The following GDA variants were observed in gnomAD, a reference collection of about 807,000 sequenced individuals.
The protein encoded by GDA is cytoplasmic PSD-95 interactor.
Under a neutral mutation model 59.6 loss-of-function variants are expected in GDA, and 18 were observed. The ratio of observed to expected loss-of-function variants is 0.30; its 90% CI spans 0.21 to 0.45. The LOEUF (loss-of-function observed/expected upper bound fraction) is 0.45, where lower values mean the gene tolerates loss of function less well. Ranked by LOEUF, GDA falls within the 20% of genes least tolerant of loss-of-function variation. The pLI is 1.00. For missense variants in GDA, 427 were observed against 552.3 expected (o/e 0.77, Z 2.27); for synonymous variants, 201 against 201.1 (o/e 1.00, Z 0.00).
intron 8 of GDA, among the ~76,000 whole-genome samples, chr9:72,226,192 C>G (rs2071341103): frequency 6.6e-6 from 1 of 152,018 alleles, no homozygotes; most frequent in Non-Finnish European, 1.5e-5. Context: ...AGAATTCACT[C>G]TAAGTAATAT....
chr9:72,155,284 C>A (rs146701559), intron 1 of GDA, among the ~76,000 whole-genome samples: 10 of 152,274 alleles, frequency 6.6e-5, no homozygotes, highest in Middle Eastern at 3.4e-3. Flanking sequence ...CCCATCAGAT[C>A]TCGTGAGACT....
intron 1 of GDA, among the ~76,000 whole-genome samples, chr9:72,156,056 A>G (rs1827851474): frequency 6.6e-6 from 1 of 152,202 alleles, no homozygotes; most frequent in African/African-American, 2.4e-5. Flanking sequence ...TAGAATCAGT[A>G]GCTATTTAGA....
In GDA at chr9:72,228,041, G is replaced by A. The variant is rs771573154; in HGVS notation, c.920+1G>A. On this transcript the variant is annotated splice_donor_variant, in intron 9 of 13. Transcript: ENST00000358399. LOFTEE classifies it high-confidence loss of function. ...CACACTGTCCCAATTCTAATTTATCGTAAGTAGACAATGATTGTTTGGTAG... is the reference window on the plus strand; with the variant it reads ...CACACTGTCCCAATTCTAATTTATCATAAGTAGACAATGATTGTTTGGTAG... The A allele has an allele frequency of 5.4e-6, 8 of 1,479,660 alleles. No individual in the cohort carries two copies. The highest frequency in any genetic ancestry group is 7.6e-6 in the Non-Finnish European group (8 of 1,059,142). The allele number at this position is 1,479,660 out of a possible 1,614,324, so 91.7% of individuals were successfully genotyped here. A position where few individuals can be genotyped will look rare whatever the true frequency, so the allele number is the denominator to read the frequency against.
chr9:72,213,630 C>T (rs1192250290), intron 4 of GDA, among the ~76,000 whole-genome samples: 2 of 151,372 alleles, frequency 1.3e-5, no homozygotes, highest in Non-Finnish European at 2.9e-5. Context: ...GGTGAAACCC[C>T]GTCTCTACTA....
At chr9:72,220,495 T>G (rs1054948445) in intron 6 of GDA, among the ~76,000 whole-genome samples, 4 of 152,182 alleles carry the variant, frequency 2.6e-5, no homozygotes, top group African/African-American at 9.7e-5. Context: ...AACTTCGTCT[T>G]AAGTTCACTA....
intron 1 of GDA, among the ~76,000 whole-genome samples, chr9:72,121,050 C>T: frequency 6.6e-6 from 1 of 152,284 alleles, no homozygotes; most frequent in South Asian, 2.1e-4. Flanking sequence ...CGTTTCAATA[C>T]CCTCTCGAGA....
chr9:72,222,353 A>C (rs181587764), intron 6 of GDA, among the ~76,000 whole-genome samples: 404 of 152,288 alleles, frequency 2.7e-3, no homozygotes, highest in African/African-American at 9.1e-3. Flanking sequence ...GGCTGCATCA[A>C]TCATATGTAA....
At chr9:72,175,664 A>G (rs926377849) in intron 1 of GDA, among the ~76,000 whole-genome samples, 4 of 152,202 alleles carry the variant, frequency 2.6e-5, no homozygotes, top group African/African-American at 9.6e-5. Context: ...TCTACTTGTG[A>G]GACTGCATTA....
chr9:72,199,657 T>C (rs749570880), intron 2 of GDA, among the ~76,000 whole-genome samples: 19 of 152,264 alleles, frequency 1.2e-4, no homozygotes, highest in Non-Finnish European at 2.4e-4. Context: ...CAGTGACTAC[T>C]TTTTAAAGGA....
chr9:72,153,261 C>T (rs1158015947), intron 1 of GDA, among the ~76,000 whole-genome samples: 16 of 151,962 alleles, frequency 1.1e-4, no homozygotes, highest in African/African-American at 3.9e-4. Context: ...TTAGGATTGA[C>T]TTGGTGATGC....
At chr9:72,131,065 A>T (rs1158898200) in intron 1 of GDA, among the ~76,000 whole-genome samples, 1 of 152,218 alleles carries the variant, frequency 6.6e-6, no homozygotes, top group Non-Finnish European at 1.5e-5. Flanking sequence ...GCTGTGGTTA[A>T]GTTCCACTGA....
At chr9:72,116,194 A>G (rs181736237) in intron 1 of GDA, among the ~76,000 whole-genome samples, 96 of 151,682 alleles carry the variant, frequency 6.3e-4, no homozygotes, top group African/African-American at 2.1e-3. Flanking sequence ...AGATCATGCC[A>G]TTGCACTCCA....
intron 1 of GDA, among the ~76,000 whole-genome samples, chr9:72,116,510 G>A (rs897849784): frequency 2.7e-5 from 4 of 150,770 alleles, no homozygotes; most frequent in Non-Finnish European, 5.9e-5. Flanking sequence ...AGCCTTCCGA[G>A]TAGGTAGGAC....
rs545024949 is a variant in GDA at position 72,134,292 on chromosome 9, A to G, written c.-100+19459A>G. On this transcript the variant is annotated intron_variant, in intron 1 of 13. Coordinates refer to the GDA transcript ENST00000545168. ...ACAATTCCTTCATCTGTAAAATGCA[A>G]GGTACTATGCCTGCTCTAACTAGCT... 3.3e-5 allele frequency among the ~76,000 whole-genome samples: 5 copies of G among 152,304 alleles called. No homozygotes were observed. In the South Asian group the frequency reaches 1.0e-3, roughly 32 times the overall value.
intron 1 of GDA, among the ~76,000 whole-genome samples, chr9:72,120,807 T>G (rs747730795): frequency 6.6e-6 from 1 of 152,204 alleles, no homozygotes; most frequent in Non-Finnish European, 1.5e-5. Context: ...AACACATGAC[T>G]TCAACACTTC....
downstream of GDA, among the ~76,000 whole-genome samples, chr9:72,259,207 T>C (rs1176728392): frequency 6.6e-6 from 1 of 151,960 alleles, no homozygotes; most frequent in Non-Finnish European, 1.5e-5. Context: ...GTATTTTTAG[T>C]AGAGATGGGG....
In GDA at chr9:72,167,885, G is replaced by A. The variant is rs116537685; in HGVS notation, c.123+18203G>A. The stretch of plus-strand genomic sequence containing the variant: ...AGCATTTTAGTAAAATGTTACAGTG[G>A]TTTTGAGAAAATTGCTGACCAAAGG... On this transcript the variant is annotated intron_variant, in intron 1 of 13. Coordinates refer to ENST00000358399, the MANE Select transcript of GDA (RefSeq NM_004293.5). 6.8e-3 allele frequency among the ~76,000 whole-genome samples: 1,028 copies of A among 152,274 alleles called. 16 individuals are homozygous for A. The highest frequency in any genetic ancestry group is 0.023 in the African/African-American group (955 of 41,548).
chr9:72,235,957 A>C (rs1016237736), intron 10 of GDA, among the ~76,000 whole-genome samples: 3 of 152,202 alleles, frequency 2.0e-5, no homozygotes, highest in African/African-American at 7.2e-5. Flanking sequence ...ACATGGAGCC[A>C]GTGCCTCACT....
intron 1 of GDA, among the ~76,000 whole-genome samples, chr9:72,180,985 T>C (rs1306546157): frequency 6.6e-6 from 1 of 152,260 alleles, no homozygotes; most frequent in South Asian, 2.1e-4. Flanking sequence ...GGTTTTTTCC[T>C]TTTGGTCACT....
Sources: gnomAD v4.1 joint callset for allele counts (sites outside exome capture counted in the v4.1 genomes callset) on GRCh38, gnomAD v4.1.1 for gene constraint, MANE v1.5 for transcripts, NCBI Gene and HGNC (gene_info 2026-07-23, HGNC 2026-07-21) for gene names.